The following CIROZ variants were observed in gnomAD, a reference collection of about 807,000 sequenced individuals.
The protein encoded by CIROZ is ciliated left-right organizer ZP-N domains-containing protein.
chr1:10,964,047 G>A, the CIROZ span: 7 of 1,540,098 alleles, frequency 4.5e-6, no homozygotes, highest in African/African-American at 6.9e-5. Context: ...GCAGGAGCCA[G>A]GGCCACCTGC....
At chr1:10,947,283 G>A in the CIROZ span, among the ~76,000 whole-genome samples, 1 of 152,202 alleles carries the variant, frequency 6.6e-6, no homozygotes, top group African/African-American at 2.4e-5. Context: ...AGCAGACCAA[G>A]CCCAGAAACA....
chr1:10,979,148 C>T, the CIROZ span, among the ~76,000 whole-genome samples: 1 of 152,076 alleles, frequency 6.6e-6, no homozygotes, highest in Non-Finnish European at 1.5e-5. Context: ...TGTGCCACCA[C>T]GCCTGGCTAA....
chr1:10,964,200 G>A, the CIROZ span: 69 of 1,614,046 alleles, frequency 4.3e-5, no homozygotes, highest in Non-Finnish European at 5.4e-5. Context: ...ACTTCATTAT[G>A]TAGCGATCAC....
the CIROZ span, chr1:10,948,045 G>A: frequency 0.046 from 74,489 of 1,613,214 alleles, 2,901 homozygotes; most frequent in African/African-American, 0.2. Flanking sequence ...TGCCAGGGGC[G>A]CTGCCAGCCT....
At chr1:10,946,683 G>A in the CIROZ span, 1 of 152,218 alleles carries the variant, frequency 6.6e-6, no homozygotes, top group Non-Finnish European at 1.5e-5. Context: ...CAGGGAGCCT[G>A]GGGACAGCTG....
At chr1:10,962,769 T>C in the CIROZ span, among the ~76,000 whole-genome samples, 1 of 152,146 alleles carries the variant, frequency 6.6e-6, no homozygotes, top group Non-Finnish European at 1.5e-5. Flanking sequence ...GAAGGTGAGA[T>C]GAGTTAATAT....
the CIROZ span, chr1:10,964,124 T>C: frequency 1.9e-6 from 3 of 1,613,362 alleles, no homozygotes; most frequent in Non-Finnish European, 2.5e-6. Flanking sequence ...CCCGAACCCA[T>C]TACCTGGATG....
chr1:10,967,003 G>T, the CIROZ span, among the ~76,000 whole-genome samples: 1 of 151,896 alleles, frequency 6.6e-6, no homozygotes, highest in African/African-American at 2.4e-5. Flanking sequence ...ACAAAAATTA[G>T]CCAGGCATGG....
chr1:10,962,133 C>T, the CIROZ span, among the ~76,000 whole-genome samples: 1 of 152,058 alleles, frequency 6.6e-6, no homozygotes, highest in Non-Finnish European at 1.5e-5. Context: ...TTTGTTTGAG[C>T]CGCACAGTGC....
chr1:10,975,473 C>G, the CIROZ span, among the ~76,000 whole-genome samples: 1 of 150,538 alleles, frequency 6.6e-6, no homozygotes, highest in African/African-American at 2.4e-5. Flanking sequence ...CCTGTAGTCC[C>G]AGCCACTCAG....
At chr1:10,953,406 G>A in the CIROZ span, among the ~76,000 whole-genome samples, 42 of 152,150 alleles carry the variant, frequency 2.8e-4, no homozygotes, top group Admixed American at 6.6e-5. Context: ...GTCCATTAGC[G>A]GAGCTTTCGC....
At chr1:10,948,860 A>T in the CIROZ span, 26 of 1,478,372 alleles carry the variant, frequency 1.8e-5, no homozygotes, top group Non-Finnish European at 2.2e-5. Context: ...CCAAGAGAGA[A>T]GTGGAGAGAG....
chr1:10,975,407 GAAAAAA>G, the CIROZ span, among the ~76,000 whole-genome samples: 2 of 78,782 alleles, frequency 2.5e-5, no homozygotes, highest in South Asian at 4.9e-4. Flanking sequence ...CTCTGTCTCA[GAAAAAA>G]AAAAAAAAAA....
chr1:10,954,615 A>G, the CIROZ span, among the ~76,000 whole-genome samples: 1 of 152,182 alleles, frequency 6.6e-6, no homozygotes, highest in African/African-American at 2.4e-5. Context: ...CCAGCGCCAC[A>G]GCTCTGCCCT....
At chr1:10,969,673 GCACGTGGGCCGTGCCCT>G in the CIROZ span, among the ~76,000 whole-genome samples, 1 of 152,218 alleles carries the variant, frequency 6.6e-6, no homozygotes, top group South Asian at 2.1e-4. Context: ...TAAACAAAAA[GCACGTGGGCCGTGCCCT>G]CACAGTGCTG....
the CIROZ span, among the ~76,000 whole-genome samples, chr1:10,968,760 C>T: frequency 6.6e-6 from 1 of 152,172 alleles, no homozygotes; most frequent in Non-Finnish European, 1.5e-5. Context: ...TCTCTGACAG[C>T]GCCTAAAACT....
the CIROZ span, among the ~76,000 whole-genome samples, chr1:10,955,385 A>G: frequency 6.6e-6 from 1 of 152,094 alleles, no homozygotes; most frequent in Non-Finnish European, 1.5e-5. Context: ...AGAAGAGAAG[A>G]AAAAAAGACC....
the CIROZ span, among the ~76,000 whole-genome samples, chr1:10,975,425 A>C: frequency 1.3e-5 from 2 of 150,136 alleles, no homozygotes; most frequent in Non-Finnish European, 1.5e-5. Context: ...AAAAAAAAAA[A>C]AAAAAACACA....
chr1:10,956,146 AC>A, the CIROZ span, among the ~76,000 whole-genome samples: 1 of 152,172 alleles, frequency 6.6e-6, no homozygotes. Context: ...TAATCTACCC[AC>A]ACAGGATGAA....
Sources: allele counts gnomAD v4.1 joint callset (sites outside exome capture counted in the v4.1 genomes callset), GRCh38; gene constraint gnomAD v4.1.1; transcripts MANE v1.5; gene names NCBI Gene and HGNC (gene_info 2026-07-23, HGNC 2026-07-21).